The following TGFBR3 variants were observed in gnomAD, a reference collection of about 807,000 sequenced individuals.
TGFBR3 encodes the protein transforming growth factor beta receptor 3.
Under a neutral mutation model 87.9 loss-of-function variants are expected in TGFBR3, and 46 were observed. The ratio of observed to expected loss-of-function variants is 0.52; its 90% CI spans 0.41 to 0.67. TGFBR3 has a LOEUF of 0.67. Among genes scored for constraint, TGFBR3 ranks in the 30% least tolerant of loss-of-function variants. The pLI is 0.00. For missense variants in TGFBR3, 866 were observed against 1,041.9 expected (o/e 0.83, Z 2.32); for synonymous variants, 381 against 391.6 (o/e 0.97, Z 0.32).
intron 2 of TGFBR3, among the ~76,000 whole-genome samples, chr1:91,859,908 CAAAAAAAA>C (rs544117317): frequency 1.2e-5 from 1 of 85,590 alleles, no homozygotes; most frequent in Non-Finnish European, 2.4e-5. Flanking sequence ...GACTCCATCT[CAAAAAAAA>C]AAAAAAAAAA....
chr1:91,842,861 C>A (rs1677340237), intron 2 of TGFBR3, among the ~76,000 whole-genome samples: 1 of 152,124 alleles, frequency 6.6e-6, no homozygotes, highest in Non-Finnish European at 1.5e-5. Flanking sequence ...GCTCTGCAAA[C>A]CACAAAACTG....
intron 1 of TGFBR3, among the ~76,000 whole-genome samples, chr1:91,878,181 CAGTG>C (rs1251439322): frequency 6.6e-6 from 1 of 151,820 alleles, no homozygotes; most frequent in African/African-American, 2.4e-5. Flanking sequence ...CACAGCAACA[CAGTG>C]AGTATCTTAC....
intron 3 of TGFBR3, among the ~76,000 whole-genome samples, chr1:91,793,446 C>T (rs558684806): frequency 3.3e-5 from 5 of 152,194 alleles, no homozygotes; most frequent in East Asian, 1.9e-4. Context: ...GGAGCCAGCA[C>T]GGTAATTGTT....
At chr1:91,900,277 C>G (rs1679684205) in intron 1 of TGFBR3, among the ~76,000 whole-genome samples, 1 of 152,066 alleles carries the variant, frequency 6.6e-6, no homozygotes, top group African/African-American at 2.4e-5. Context: ...CCACACCTGG[C>G]TAATTTTTGT....
intron 7 of TGFBR3, among the ~76,000 whole-genome samples, chr1:91,723,036 A>G (rs12065370): frequency 0.062 from 9,395 of 152,276 alleles, 382 homozygotes; most frequent in East Asian, 0.22. Flanking sequence ...TCTAAAATGT[A>G]TGATCAATTA....
chr1:91,901,809 A>G (rs909948540), intron 1 of TGFBR3, among the ~76,000 whole-genome samples: 1 of 151,832 alleles, frequency 6.6e-6, no homozygotes, highest in Non-Finnish European at 1.5e-5. Flanking sequence ...GCTACTCCAG[A>G]GGCTGAGGTG....
chr1:91,681,162 G>A lies in TGFBR3; in HGVS notation c.*2577C>T, dbSNP rs188735272. On this transcript the variant is annotated 3_prime_UTR_variant, in exon 17 of 17. Transcript: ENST00000212355. ...GAAACTTGTAGTACACGTTATAAAA[G>A]TAGAGCTTGTACTTTGTATTAAAAC... is the stretch of plus-strand genomic sequence containing the variant. 2.1e-4 allele frequency: 97 copies of A among 454,060 alleles called. 2 individuals are homozygous for A. In the Admixed American group the frequency reaches 2.2e-3, roughly 10 times the overall value. The allele number at this position is 454,060 out of a possible 1,614,324, so 28.1% of individuals were successfully genotyped here.
chr1:91,762,031 A>G (rs2100905415), intron 3 of TGFBR3, among the ~76,000 whole-genome samples: 1 of 152,360 alleles, frequency 6.6e-6, no homozygotes, highest in South Asian at 2.1e-4. Flanking sequence ...TCAAATTTAC[A>G]CATAAAAATA....
chr1:91,690,455 C>T (rs1671227992), intron 16 of TGFBR3, among the ~76,000 whole-genome samples: 1 of 152,076 alleles, frequency 6.6e-6, no homozygotes, highest in Non-Finnish European at 1.5e-5. Flanking sequence ...GCTTCTTTTG[C>T]TCAGCCTAAA....
At chr1:91,826,666 T>G (rs1349477016) in intron 2 of TGFBR3, among the ~76,000 whole-genome samples, 2 of 150,818 alleles carry the variant, frequency 1.3e-5, no homozygotes, top group Admixed American at 6.6e-5. Context: ...GATGACCCTA[T>G]GCCAGTAAAG....
At position 91,729,813 on chromosome 1, in the gene TGFBR3, G is replaced by T; in HGVS notation, c.729C>A (p.Asn243Lys). ...HIIELITPNS[N>K]PYSAFQVDIT... Reference sequence around the variant, plus strand: ...CACTTAGACTCACTTACCTGTAGGGGTTAGAGTTGGGGGTGATTAGCTCGA... The same window carrying T: ...CACTTAGACTCACTTACCTGTAGGGTTTAGAGTTGGGGGTGATTAGCTCGA... The change falls in exon 6 of 17, where the codon AAC (asparagine) becomes AAA (lysine). Residue 243 changes from asparagine to lysine, a missense_variant. Asn to Lys is a moderately conservative substitution (Grantham distance 94). Coordinates refer to ENST00000212355, the MANE Select transcript of TGFBR3 (RefSeq NM_003243.5). 1 of 1,614,176 alleles carries T rather than the reference G, an allele frequency of 6.2e-7. No individual in the cohort carries two copies. The highest frequency in any genetic ancestry group is 1.1e-5 in the South Asian group (1 of 91,086).
At chr1:91,812,704 C>T (rs1469275311) in intron 2 of TGFBR3, among the ~76,000 whole-genome samples, 1 of 152,158 alleles carries the variant, frequency 6.6e-6, no homozygotes, top group Non-Finnish European at 1.5e-5. Flanking sequence ...CCTCCGCCTC[C>T]CGGGTTCAAG....
chr1:91,875,465 T>C (rs748666426), intron 1 of TGFBR3, among the ~76,000 whole-genome samples: 2 of 151,816 alleles, frequency 1.3e-5, no homozygotes, highest in Non-Finnish European at 2.9e-5. Context: ...CTGCTGATAT[T>C]GAAGCACAGA....
chr1:91,899,075 T>A (rs939430959), intron 2 of TGFBR3, among the ~76,000 whole-genome samples: 1 of 152,232 alleles, frequency 6.6e-6, no homozygotes, highest in Non-Finnish European at 1.5e-5. Flanking sequence ...GAGACAGATC[T>A]ATTGTACAGC....
intron 2 of TGFBR3, among the ~76,000 whole-genome samples, chr1:91,831,873 A>G (rs538017426): frequency 6.6e-6 from 1 of 152,250 alleles, no homozygotes; most frequent in Non-Finnish European, 1.5e-5. Context: ...GGAAAAAAGC[A>G]TGTTCAAAAT....
chr1:91,768,547 G>A (rs1674263542), intron 3 of TGFBR3, among the ~76,000 whole-genome samples: 1 of 152,150 alleles, frequency 6.6e-6, no homozygotes, highest in Non-Finnish European at 1.5e-5. Context: ...CTGCATTATA[G>A]GGGTAGTTTC....
chr1:91,701,365 G>C (rs1189501820), intron 14 of TGFBR3, among the ~76,000 whole-genome samples: 1 of 152,026 alleles, frequency 6.6e-6, no homozygotes, highest in Non-Finnish European at 1.5e-5. Context: ...AAAATGGCTT[G>C]ATCTCCACCG....
At chr1:91,902,966 G>C (rs1190883289) in intron 1 of TGFBR3, among the ~76,000 whole-genome samples, 1 of 149,176 alleles carries the variant, frequency 6.7e-6, no homozygotes, top group Non-Finnish European at 1.5e-5. Context: ...ACTGGGTTTT[G>C]TGTATTTTTT....
rs370589556 is a variant in TGFBR3 at position 91,862,078 on chromosome 1, A to G, written c.-113-434T>C. ...ACCATGTTGGCCAGGCTGGTCTTGA[A>G]CTCCTGACCTCGTGATCTGCCCACC... On this transcript the variant is annotated intron_variant, in intron 1 of 16. Transcript: ENST00000212355. 39 of 161,832 alleles carry G rather than the reference A, an allele frequency of 2.4e-4. No individual in the cohort carries two copies. In the East Asian group the frequency reaches 6.6e-3, roughly 27 times the overall value. The allele number at this position is 161,832 out of a possible 1,614,324, so 10.0% of individuals were successfully genotyped here. A position where few individuals can be genotyped will look rare whatever the true frequency, so the allele number is the denominator to read the frequency against.
Sources: gnomAD v4.1 joint callset for allele counts (sites outside exome capture counted in the v4.1 genomes callset) on GRCh38, gnomAD v4.1.1 for gene constraint, MANE v1.5 for transcripts, NCBI Gene and HGNC (gene_info 2026-07-23, HGNC 2026-07-21) for gene names.